Variants in PAK1IP1 observed in about 807,000 individuals in gnomAD.
The protein encoded by PAK1IP1 is PAK1 interacting protein 1, also known as p21-activated protein kinase-interacting protein 1.
Under a neutral mutation model 42.0 loss-of-function variants are expected in PAK1IP1, and 24 were observed. The ratio of observed to expected loss-of-function variants is 0.57; its 90% CI spans 0.41 to 0.80. The LOEUF (loss-of-function observed/expected upper bound fraction) is 0.80, where lower values mean the gene tolerates loss of function less well. PAK1IP1 is among the 30% of genes least tolerant of loss of function. The probability of loss-of-function intolerance (pLI) is 0.00; values close to 1 mark genes in which losing one functional copy is unlikely to be tolerated. For synonymous variants in PAK1IP1, 154 were observed against 156.7 expected, an observed-to-expected ratio of 0.98 and a Z score of 0.13; for missense variants, 411 against 467.9, an observed-to-expected ratio of 0.88 and a Z score of 1.12.
intron 2 of PAK1IP1, among the ~76,000 whole-genome samples, chr6:10,698,300 A>G (rs1441527886): frequency 6.6e-6 from 1 of 150,826 alleles, no homozygotes; most frequent in East Asian, 2.0e-4. Context: ...AGTTTCAAAG[A>G]TGTAGCGTCA....
rs747502007 is a variant in PAK1IP1, at chr6:10,707,493, G to T, written c.819G>T (p.Met273Ile). ...VSASSDGFIK[M>I]WKLKQDKKVP... is the part of the protein sequence containing the mutation. ...CATCGAGTGATGGTTTCATCAAAAT[G>T]TGGAAGCTTAAGCAGGATAAGGTCA... is the stretch of plus-strand genomic sequence containing the variant. Residue 273 changes from methionine to isoleucine, a missense_variant, in exon 8 of 10, where the codon ATG becomes ATT. By Grantham distance (10) the Met-to-Ile change is conservative. Coordinates refer to ENST00000379568, the MANE Select transcript of PAK1IP1 (RefSeq NM_017906.3). 6.2e-7 allele frequency: 1 copy of T among 1,606,112 alleles called. No homozygotes were observed. Among genetic ancestry groups the T allele is most frequent in the South Asian group, 1.1e-5 (1 of 90,930 alleles).
intron 8 of PAK1IP1, among the ~76,000 whole-genome samples, chr6:10,708,210 G>A (rs892570522): frequency 7.1e-6 from 1 of 140,256 alleles, no homozygotes; most frequent in African/African-American, 2.7e-5. Context: ...CCCACTGCCA[G>A]TCCCTGGTAA....
chr6:10,703,135 G>A (rs1770089809), intron 4 of PAK1IP1, among the ~76,000 whole-genome samples: 1 of 152,090 alleles, frequency 6.6e-6, no homozygotes, highest in South Asian at 2.1e-4. Flanking sequence ...ATGCAATTAT[G>A]CTGCAGTCAT....
At chr6:10,702,216 G>A (rs1437736814) in intron 2 of PAK1IP1, among the ~76,000 whole-genome samples, 153 bp from the exon 3 acceptor site, 2 of 150,976 alleles carry the variant, frequency 1.3e-5, no homozygotes, top group Non-Finnish European at 1.5e-5. Flanking sequence ...CTTCAGCCTG[G>A]GTAACAAGAG....
At chr6:10,704,093 G>A (rs911814638) in intron 5 of PAK1IP1, among the ~76,000 whole-genome samples, 2 of 152,026 alleles carry the variant, frequency 1.3e-5, no homozygotes, top group Non-Finnish European at 2.9e-5. Flanking sequence ...CGCTATCTCA[G>A]CTCCCTACAA....
chr6:10,695,379 T>TGA (rs1430786459), intron 1 of PAK1IP1, among the ~76,000 whole-genome samples: 2 of 152,184 alleles, frequency 1.3e-5, no homozygotes, highest in African/African-American at 4.8e-5. Flanking sequence ...TTGACAGTAT[T>TGA]CAGAATTTAA....
Position 10,702,457 on chromosome 6 carries a change from A to G in PAK1IP1, c.336A>G (p.Lys112=), listed in dbSNP as rs57403715. The G allele has an allele frequency of 1.1e-3, 1,770 of 1,614,044 alleles. 21 individuals carry two copies. The African/African-American group carries it at 0.021, about 19-fold the overall frequency. Residue 112 remains lysine, a synonymous_variant, in exon 3 of 10, where the codon AAA becomes AAG. Coordinates refer to ENST00000379568, the MANE Select transcript of PAK1IP1 (RefSeq NM_017906.3). ...DGLICIWDAK[K]WECLKSIKAH... ...TCATCTGTATCTGGGATGCAAAGAA[A>G]TGGGAATGCCTGAAGTCAATTAAAG...
chr6:10,694,260 CA>C (rs57435593), upstream of PAK1IP1, among the ~76,000 whole-genome samples: 733 of 62,470 alleles, frequency 0.012, 10 homozygotes, highest in East Asian at 0.094. Context: ...AACTCCGTCT[CA>C]AAAAAAAAAA....
At chr6:10,704,361 AAACTT>A in intron 5 of PAK1IP1, 141 bp from the exon 6 acceptor site, 1 of 603,072 alleles carries the variant, frequency 1.7e-6, no homozygotes, top group Non-Finnish European at 2.8e-6. Context: ...ATTTTCTAAA[AAACTT>A]GACTTGTAAA....
chr6:10,701,964 G>A (rs952754378), intron 2 of PAK1IP1, among the ~76,000 whole-genome samples: 3 of 152,240 alleles, frequency 2.0e-5, no homozygotes, highest in African/African-American at 7.2e-5. Context: ...GCCAGGCACA[G>A]TGGCTCACAC....
At chr6:10,705,355 G>A (rs537901034) in intron 7 of PAK1IP1, among the ~76,000 whole-genome samples, 50 of 152,174 alleles carry the variant, frequency 3.3e-4, no homozygotes, top group African/African-American at 1.1e-3. Flanking sequence ...TGGTGAAATT[G>A]TTTTCTGGAC....
intron 2 of PAK1IP1, 30 bp from the exon 3 acceptor site, chr6:10,702,339 T>C (rs1313552021): frequency 2.5e-6 from 4 of 1,587,778 alleles, no homozygotes; most frequent in Non-Finnish European, 2.6e-6. Context: ...AAAATGAATA[T>C]TATTTTTGCC....
intron 2 of PAK1IP1, 80 bp downstream of exon 2, chr6:10,697,566 C>T: frequency 9.2e-7 from 1 of 1,089,060 alleles, no homozygotes; most frequent in East Asian, 2.4e-5. Flanking sequence ...TTTGTTGTAT[C>T]TATTTTATAG....
At chr6:10,695,246 C>G (rs1769772083) in intron 1 of PAK1IP1, among the ~76,000 whole-genome samples, 177 bp downstream of exon 1, 1 of 152,144 alleles carries the variant, frequency 6.6e-6, no homozygotes, top group South Asian at 2.1e-4. Context: ...GACATTTTAT[C>G]AAAATGAGGC....
intron 2 of PAK1IP1, among the ~76,000 whole-genome samples, chr6:10,700,721 G>T (rs1251437950): frequency 6.6e-6 from 1 of 152,180 alleles, no homozygotes; most frequent in Non-Finnish European, 1.5e-5. Context: ...AATAAGAAAA[G>T]GAATTACATA....
At chr6:10,706,672 C>G (rs561062708) in intron 7 of PAK1IP1, among the ~76,000 whole-genome samples, 2 of 152,184 alleles carry the variant, frequency 1.3e-5, no homozygotes, top group East Asian at 3.9e-4. Flanking sequence ...ATCACAAGGT[C>G]AGGAGTTTGA....
intron 1 of PAK1IP1, among the ~76,000 whole-genome samples, chr6:10,696,471 A>C (rs1769855056): frequency 6.6e-6 from 1 of 151,584 alleles, no homozygotes; most frequent in South Asian, 2.1e-4. Flanking sequence ...GGAGTGAGTG[A>C]GTGTGTGTGT....
At chr6:10,703,930 TTTC>T (rs1385371995) in intron 5 of PAK1IP1, among the ~76,000 whole-genome samples, 13 of 152,340 alleles carry the variant, frequency 8.5e-5, no homozygotes, top group African/African-American at 3.1e-4. Context: ...CTTGGGTTAC[TTTC>T]TTTTCCCATT....
chr6:10,697,101 CTCA>C (rs1769883039), intron 1 of PAK1IP1, among the ~76,000 whole-genome samples: 2 of 152,138 alleles, frequency 1.3e-5, no homozygotes, highest in Admixed American at 6.5e-5. Context: ...CTTTACCTTC[CTCA>C]TCAAGTCTCA....
Sources: allele counts gnomAD v4.1 joint callset (sites outside exome capture counted in the v4.1 genomes callset), GRCh38; gene constraint gnomAD v4.1.1; transcripts MANE v1.5; gene names NCBI Gene and HGNC (gene_info 2026-07-23, HGNC 2026-07-21).